NARS1: variants seen among roughly 807,000 people sequenced by gnomAD.
The protein encoded by NARS1 is asparagine--tRNA ligase, cytoplasmic.
In NARS1, 65 loss-of-function variants were observed where a neutral mutation model predicts 79.2. That is an observed-to-expected ratio of 0.82 (90% CI 0.67 to 1.01). NARS1 has a LOEUF of 1.01. Ranked by LOEUF, NARS1 falls within the 50% of genes least tolerant of loss-of-function variation. NARS1 has a pLI of 0.00. For missense variants in NARS1, 649 were observed against 673.8 expected (o/e 0.96, Z 0.41); for synonymous variants, 229 against 238.8 (o/e 0.96, Z 0.38).
intron 7 of NARS1, 49 bp downstream of exon 7, chr18:57,609,308 C>T: frequency 6.9e-7 from 1 of 1,439,850 alleles, no homozygotes; most frequent in Non-Finnish European, 9.8e-7. Flanking sequence ...GGAAAACAAA[C>T]CAATAAATAA....
rs2051517142 is a variant in NARS1, at chr18:57,602,490, T to C, written c.1384-4A>G. ...CATTGGGCATCAACACGTCGACCTT[T>C]AAATATAAGTGAAAGAAGATACACA... On this transcript the variant is annotated splice_region_variant and splice_polypyrimidine_tract_variant and intron_variant, in intron 12 of 13. Transcript: ENST00000256854. 6.2e-7 allele frequency: 1 copy of C among 1,613,560 alleles called. No homozygotes were observed. Among genetic ancestry groups the C allele is most frequent in the South Asian group, 1.1e-5 (1 of 91,014 alleles).
chr18:57,605,160 T>C lies in NARS1; in HGVS notation c.1251+697A>G, dbSNP rs1333381814. Among the ~76,000 whole-genome samples, 3 of 148,832 alleles carry C rather than the reference T, an allele frequency of 2.0e-5. No homozygotes were observed. The East Asian group carries it at 5.9e-4, about 29-fold the overall frequency. ...ATATATATATATATATATATCTATA[T>C]ACCAACATTTTGCATGTGATTTCAA... On this transcript the variant is annotated intron_variant, in intron 11 of 13. Transcript: ENST00000256854.
Position 57,620,611 on chromosome 18 carries a change from C to A in NARS1, c.51G>T (p.Thr17=), listed in dbSNP as rs542769877. Reference sequence around the variant, plus strand: ...ATGGTTTCTCCTTGGTTCCATCTCCCGTGGCATCGCTTCCCTCTCGGTCAG... The same window carrying A: ...ATGGTTTCTCCTTGGTTCCATCTCCAGTGGCATCGCTTCCCTCTCGGTCAG... ...YVSDREGSDA[T]GDGTKEKPFK... is the part of the protein sequence containing the mutation. Residue 17 remains threonine (T), a synonymous_variant, in exon 2 of 14, where the codon ACG becomes ACT. Transcript: ENST00000256854. 2.5e-6 allele frequency: 4 copies of A among 1,613,780 alleles called. No homozygotes were observed. Among genetic ancestry groups the A allele is most frequent in the Admixed American group, 1.7e-5 (1 of 59,896 alleles).
intron 12 of NARS1, 41 bp from the exon 13 acceptor site, chr18:57,602,527 GC>G: frequency 6.2e-7 from 1 of 1,608,928 alleles, no homozygotes; most frequent in East Asian, 2.2e-5. Context: ...TTACTATCAA[GC>G]GATCAGACAC....
At chr18:57,615,539 A>G (rs1164494446) in intron 4 of NARS1, 102 bp downstream of exon 4, 1 of 774,258 alleles carries the variant, frequency 1.3e-6, no homozygotes, top group Admixed American at 2.6e-5. Flanking sequence ...GAAAGTAAAA[A>G]CAAAATGTAA....
intron 12 of NARS1, 45 bp downstream of exon 12, chr18:57,602,767 C>G (rs763372172): frequency 2.5e-6 from 4 of 1,601,410 alleles, no homozygotes; most frequent in South Asian, 2.2e-5. Context: ...GTCCCCACCC[C>G]CTTAAAAAGC....
chr18:57,619,147 A>G (rs1908185577), intron 2 of NARS1, among the ~76,000 whole-genome samples: 1 of 151,986 alleles, frequency 6.6e-6, no homozygotes, highest in Non-Finnish European at 1.5e-5. Flanking sequence ...CAGGCTGCAG[A>G]GCAGTGATGC....
chr18:57,601,687 A>T lies in NARS1; in HGVS notation c.1612T>A (p.Leu538Ile). 1 of 1,614,094 alleles carries T rather than the reference A, an allele frequency of 6.2e-7. No individual in the cohort carries two copies. Reference protein sequence around the residue: ...LNRYHIRDVCLYPRFVQRCTP With the variant: ...LNRYHIRDVCIYPRFVQRCTP ...CAACGCTGGACAAATCGAGGGTATA[A>T]GCACACGTCTCGGATGTGATACCTA... The change falls in exon 14 of 14, where the codon TTA (leucine) becomes ATA (isoleucine). Residue 538 changes from leucine (L) to isoleucine (I), a missense_variant. Leu to Ile is a conservative substitution (Grantham distance 5). Transcript: ENST00000256854.
Position 57,602,285 on chromosome 18 carries a change from T to C in NARS1, c.1515+70A>G, listed in dbSNP as rs970777105. On this transcript the variant is annotated intron_variant, in intron 13 of 13. Coordinates refer to ENST00000256854, the MANE Select transcript of NARS1 (RefSeq NM_004539.4). ...AGTACTACCCTGAATTCTCCCCTTT[T>C]AAAAATTTCAATATATACAGAACGA... 198 of 1,455,754 alleles carry C rather than the reference T, an allele frequency of 1.4e-4. No individual in the cohort carries two copies. In the African/African-American group the frequency reaches 2.6e-3, roughly 19 times the overall value. The allele number at this position is 1,455,754 out of a possible 1,614,324, so 90.2% of individuals were successfully genotyped here.
chr18:57,608,188 A>G (rs1257869830), intron 7 of NARS1, among the ~76,000 whole-genome samples: 1 of 151,998 alleles, frequency 6.6e-6, no homozygotes, highest in Non-Finnish European at 1.5e-5. Context: ...TTTTTAAAAG[A>G]TATTTGTGTC....
rs1338412103 is a variant in NARS1 at position 57,602,833 on chromosome 18, C to T, written c.1362G>A (p.Glu454=). ...TGACAGATTCAGTAAGACGGGAATC[C>T]TCAGGACATCGCTGCATGTAGAAGG... ...IKSFYMQRCP[E]DSRLTESVDV... is the part of the protein sequence containing the mutation. Residue 454 remains glutamate (E), a synonymous_variant, in exon 12 of 14, where the codon GAG becomes GAA. Coordinates refer to ENST00000256854, the MANE Select transcript of NARS1 (RefSeq NM_004539.4). 6.2e-7 allele frequency: 1 copy of T among 1,614,012 alleles called. No homozygotes were observed. Among genetic ancestry groups the T allele is most frequent in the Admixed American group, 1.7e-5 (1 of 59,984 alleles).
In NARS1 at chr18:57,621,703, C is replaced by T. The variant is rs902693117; in HGVS notation, c.10+5G>A. 2.5e-6 allele frequency: 4 copies of T among 1,613,324 alleles called. No homozygotes were observed. Among genetic ancestry groups the T allele is most frequent in the African/African-American group, 2.7e-5 (2 of 74,938 alleles). On this transcript the variant is annotated splice_donor_5th_base_variant and intron_variant, in intron 1 of 13. Transcript: ENST00000256854. ...ACACCGCGCCATACACTGAGTCTCA[C>T]CCACCTAGCACCATGCCTGCAGTGG...
intron 11 of NARS1, 86 bp downstream of exon 11, chr18:57,605,771 C>A: frequency 1.2e-6 from 1 of 869,432 alleles, no homozygotes; most frequent in East Asian, 2.7e-5. Context: ...CAGGCAGATG[C>A]CACCCATGTT....
chr18:57,606,400 T>C (rs1281707000), intron 10 of NARS1, among the ~76,000 whole-genome samples: 1 of 150,734 alleles, frequency 6.6e-6, no homozygotes, highest in Non-Finnish European at 1.5e-5. Flanking sequence ...TAGAAAACTA[T>C]GTAGACATTC....
Position 57,613,672 on chromosome 18 carries a change from A to T in NARS1, c.351T>A (p.Ile117=). ...PSLPEPKCVK[I]GALEGYRGQR... Reference sequence around the variant, plus strand: ...GGCCTCTATATCCTTCTAACGCACCAATCTTCACCTGTCAAATTGAAATAA... The same window carrying T: ...GGCCTCTATATCCTTCTAACGCACCTATCTTCACCTGTCAAATTGAAATAA... Residue 117 remains isoleucine, a synonymous_variant, in exon 5 of 14, where the codon ATT becomes ATA. Transcript: ENST00000256854. 1.9e-6 allele frequency: 3 copies of T among 1,613,722 alleles called. No homozygotes were observed. The highest frequency in any genetic ancestry group is 2.5e-6 in the Non-Finnish European group (3 of 1,179,688).
At chr18:57,610,628 T>C (rs568657407) in intron 6 of NARS1, among the ~76,000 whole-genome samples, 2 of 151,846 alleles carry the variant, frequency 1.3e-5, no homozygotes, top group South Asian at 2.1e-4. Context: ...TAGAAGAACA[T>C]GCTAAAGGAC....
chr18:57,611,750 G>T, intron 5 of NARS1, 43 bp from the exon 6 acceptor site: 1 of 1,179,870 alleles, frequency 8.5e-7, no homozygotes, highest in Non-Finnish European at 1.2e-6. Flanking sequence ...TGTTCTCAAG[G>T]CATTAAATTT....
intron 2 of NARS1, among the ~76,000 whole-genome samples, chr18:57,618,502 G>C (rs1475657428): frequency 6.6e-6 from 1 of 152,180 alleles, no homozygotes; most frequent in Non-Finnish European, 1.5e-5. Context: ...TGTTAACAGT[G>C]ACATTCTGCA....
intron 1 of NARS1, among the ~76,000 whole-genome samples, chr18:57,621,262 T>C (rs945250961): frequency 6.6e-6 from 1 of 151,854 alleles, no homozygotes; most frequent in African/African-American, 2.4e-5. Context: ...CTCTTTTTTT[T>C]TTTTTTTTTC....
Sources: allele counts gnomAD v4.1 joint callset (sites outside exome capture counted in the v4.1 genomes callset), GRCh38; gene constraint gnomAD v4.1.1; transcripts MANE v1.5; gene names NCBI Gene and HGNC (gene_info 2026-07-23, HGNC 2026-07-21).